ENTREP2: variants seen among roughly 807,000 people sequenced by gnomAD.
ENTREP2 encodes the protein endosomal transmembrane epsin interactor 2.
chr15:29,158,447 C>A, the ENTREP2 span, among the ~76,000 whole-genome samples: 2 of 148,580 alleles, frequency 1.3e-5, no homozygotes, highest in Non-Finnish European at 3.0e-5. Flanking sequence ...ACTCTTTCGC[C>A]CAGGCTGGAG....
At chr15:29,644,631 C>T in the ENTREP2 span, among the ~76,000 whole-genome samples, 95 of 151,798 alleles carry the variant, frequency 6.3e-4, no homozygotes, top group African/African-American at 1.7e-3. Context: ...GGTGAAACCC[C>T]GTCTCTACTA....
chr15:29,155,430 G>A, the ENTREP2 span, among the ~76,000 whole-genome samples: 2 of 152,164 alleles, frequency 1.3e-5, no homozygotes, highest in Admixed American at 1.3e-4. Flanking sequence ...TGAGCACCAG[G>A]CACTGTTATC....
chr15:29,361,816 G>A, the ENTREP2 span, among the ~76,000 whole-genome samples: 5 of 152,176 alleles, frequency 3.3e-5, no homozygotes, highest in African/African-American at 1.2e-4. Flanking sequence ...AGGTCCAATG[G>A]GGAAGCACCC....
At chr15:29,394,373 T>C in the ENTREP2 span, among the ~76,000 whole-genome samples, 4 of 149,802 alleles carry the variant, frequency 2.7e-5, no homozygotes, top group Non-Finnish European at 6.0e-5. Flanking sequence ...AAGAGGTTTA[T>C]GTATTACTGG....
the ENTREP2 span, among the ~76,000 whole-genome samples, chr15:29,513,179 A>G: frequency 6.6e-6 from 1 of 152,158 alleles, no homozygotes; most frequent in African/African-American, 2.4e-5. Context: ...CTGAGCTTTC[A>G]AAATGGCAAA....
the ENTREP2 span, chr15:29,120,360 G>A: frequency 6.6e-6 from 1 of 152,256 alleles, no homozygotes; most frequent in Non-Finnish European, 1.5e-5. Flanking sequence ...CTGGTGGCTT[G>A]AAAACAATTT....
At chr15:29,320,136 A>C in the ENTREP2 span, among the ~76,000 whole-genome samples, 1 of 152,176 alleles carries the variant, frequency 6.6e-6, no homozygotes, top group Admixed American at 6.5e-5. Context: ...AACGCTTGTT[A>C]AGGTGATAGC....
the ENTREP2 span, among the ~76,000 whole-genome samples, chr15:29,603,854 G>A: frequency 1.3e-5 from 2 of 152,104 alleles, no homozygotes; most frequent in Admixed American, 6.6e-5. Flanking sequence ...GGCCAGGCTG[G>A]TCTTGAACTC....
At chr15:29,238,516 T>C in the ENTREP2 span, among the ~76,000 whole-genome samples, 1 of 151,960 alleles carries the variant, frequency 6.6e-6, no homozygotes, top group Admixed American at 6.6e-5. Flanking sequence ...GTGCCTGTAG[T>C]CCCAGCTACT....
At chr15:29,138,112 G>A in the ENTREP2 span, among the ~76,000 whole-genome samples, 2 of 152,054 alleles carry the variant, frequency 1.3e-5, no homozygotes, top group African/African-American at 4.8e-5. Context: ...TGGACACGTA[G>A]TATCTATTAA....
chr15:29,456,100 A>C, the ENTREP2 span, among the ~76,000 whole-genome samples: 2 of 148,218 alleles, frequency 1.3e-5, no homozygotes, highest in African/African-American at 2.5e-5. Context: ...AACCATCCCC[A>C]CCCCCTCCCT....
At chr15:29,395,407 A>T in the ENTREP2 span, among the ~76,000 whole-genome samples, 3 of 152,196 alleles carry the variant, frequency 2.0e-5, no homozygotes, top group East Asian at 5.8e-4. Flanking sequence ...GTAATAATAC[A>T]GAGTGGAAAA....
At chr15:29,591,860 A>AGAAGAAGAG in the ENTREP2 span, among the ~76,000 whole-genome samples, 1 of 27,810 alleles carries the variant, frequency 3.6e-5, no homozygotes, top group Non-Finnish European at 8.3e-5. Flanking sequence ...AAGAAGAAGA[A>AGAAGAAGAG]GAAGAAGAAG....
the ENTREP2 span, among the ~76,000 whole-genome samples, chr15:29,541,691 A>C: frequency 0.45 from 68,190 of 151,940 alleles, 16,466 homozygotes; most frequent in African/African-American, 0.64. Context: ...CCCATGCTTA[A>C]AATGGGAGGG....
the ENTREP2 span, among the ~76,000 whole-genome samples, chr15:29,623,061 G>T: frequency 6.6e-6 from 1 of 152,218 alleles, no homozygotes; most frequent in African/African-American, 2.4e-5. Flanking sequence ...AAGCTATAAT[G>T]CTCCTTTATA....
At chr15:29,128,085 C>T in the ENTREP2 span, among the ~76,000 whole-genome samples, 147 of 152,330 alleles carry the variant, frequency 9.7e-4, no homozygotes, top group South Asian at 3.5e-3. Context: ...CGCCCTGGGG[C>T]GATCATCCTG....
chr15:29,571,257 G>A, the ENTREP2 span, among the ~76,000 whole-genome samples: 1 of 152,102 alleles, frequency 6.6e-6, no homozygotes, highest in Non-Finnish European at 1.5e-5. Flanking sequence ...CGCATCAAGG[G>A]CAACGGCATC....
At chr15:29,553,792 C>T in the ENTREP2 span, among the ~76,000 whole-genome samples, 2 of 152,282 alleles carry the variant, frequency 1.3e-5, no homozygotes, top group Admixed American at 6.5e-5. Context: ...CAACTGCCAG[C>T]CATGTGAGTG....
chr15:29,150,782 G>A, the ENTREP2 span, among the ~76,000 whole-genome samples: 1 of 152,112 alleles, frequency 6.6e-6, no homozygotes, highest in Non-Finnish European at 1.5e-5. Context: ...CAGGGTGAAT[G>A]ACAAAGAAGA....
Sources: gnomAD v4.1 joint callset for allele counts (sites outside exome capture counted in the v4.1 genomes callset) on GRCh38, gnomAD v4.1.1 for gene constraint, MANE v1.5 for transcripts, NCBI Gene and HGNC (gene_info 2026-07-23, HGNC 2026-07-21) for gene names.